Variants in BTG4 observed in about 807,000 individuals in gnomAD.
The protein encoded by BTG4 is protein BTG4.
A neutral mutation model predicts 19.3 loss-of-function variants in BTG4; 10 were observed. That is an observed-to-expected ratio of 0.52 (90% CI 0.32 to 0.88). BTG4 has a LOEUF of 0.88. Ranked by LOEUF, BTG4 falls within the 40% of genes least tolerant of loss-of-function variation. The pLI is 0.04. For missense variants in BTG4, 238 were observed against 281.9 expected (o/e 0.84, Z 1.11); for synonymous variants, 91 against 95.7 (o/e 0.95, Z 0.29).
intron 5 of BTG4, among the ~76,000 whole-genome samples, chr11:111,480,381 T>A (rs1425590009): frequency 6.6e-6 from 1 of 152,034 alleles, no homozygotes; most frequent in Non-Finnish European, 1.5e-5. Context: ...GAGACTTCAA[T>A]ACCTCCTCTC....
chr11:111,405,896 A>C, the BTG4 span, among the ~76,000 whole-genome samples: 5 of 152,228 alleles, frequency 3.3e-5, no homozygotes, highest in African/African-American at 1.2e-4. Context: ...TAAAACACTT[A>C]GAAGAGTTTC....
intron 1 of BTG4, among the ~76,000 whole-genome samples, chr11:111,506,049 T>C (rs537575340): frequency 6.6e-6 from 1 of 152,268 alleles, no homozygotes; most frequent in Non-Finnish European, 1.5e-5. Context: ...ATTCAACCTC[T>C]ATGGAAAACG....
intron 5 of BTG4, among the ~76,000 whole-genome samples, chr11:111,486,934 C>T (rs893715494): frequency 2.0e-5 from 3 of 151,584 alleles, no homozygotes; most frequent in African/African-American, 7.3e-5. Context: ...GGTATTAAGC[C>T]CCCCATGCAT....
downstream of BTG4, among the ~76,000 whole-genome samples, chr11:111,492,491 A>C (rs1865481235): frequency 6.6e-6 from 1 of 152,214 alleles, no homozygotes; most frequent in Non-Finnish European, 1.5e-5. Context: ...CTCTGCTGAG[A>C]GAATGATCAA....
chr11:111,401,056 A>C, the BTG4 span: 5 of 60,446 alleles, frequency 8.3e-5, no homozygotes, highest in Non-Finnish European at 2.3e-4. Flanking sequence ...TGGAGCATAA[A>C]AAAAAAAAAA....
chr11:111,436,972 G>A, the BTG4 span, among the ~76,000 whole-genome samples: 3 of 152,208 alleles, frequency 2.0e-5, no homozygotes, highest in Non-Finnish European at 2.9e-5. Context: ...GCAAGCAGAC[G>A]CTGCAGGGCA....
At chr11:111,422,201 C>G in the BTG4 span, among the ~76,000 whole-genome samples, 26 of 152,242 alleles carry the variant, frequency 1.7e-4, no homozygotes, top group East Asian at 2.7e-3. Context: ...CACAAGGGAG[C>G]CCCAGCAAAT....
At chr11:111,384,450 G>A in the BTG4 span, among the ~76,000 whole-genome samples, 1 of 151,982 alleles carries the variant, frequency 6.6e-6, no homozygotes, top group Non-Finnish European at 1.5e-5. Context: ...AGCTTACTAA[G>A]AAAAAGAATA....
intron 4 of BTG4, chr11:111,496,540 A>G (rs1295623805): frequency 2.0e-5 from 3 of 152,218 alleles, no homozygotes; most frequent in African/African-American, 7.2e-5. Context: ...TTGCTTTAAC[A>G]TTTAATACAT....
At chr11:111,479,549 A>G (rs1032253692) in intron 5 of BTG4, among the ~76,000 whole-genome samples, 13 of 152,148 alleles carry the variant, frequency 8.5e-5, no homozygotes, top group African/African-American at 2.4e-4. Context: ...AACTTGTAAC[A>G]TCAGGAAGGA....
At chr11:111,404,836 T>C in the BTG4 span, 3 of 352,062 alleles carry the variant, frequency 8.5e-6, no homozygotes, top group Admixed American at 7.4e-5. Context: ...TTATCTCTCA[T>C]GGTCTAATTG....
chr11:111,425,350 A>G, the BTG4 span, among the ~76,000 whole-genome samples: 1 of 152,120 alleles, frequency 6.6e-6, no homozygotes, highest in African/African-American at 2.4e-5. Context: ...CATACACAAA[A>G]GACACAGGAG....
At chr11:111,502,268 G>A (rs781231262) in intron 1 of BTG4, among the ~76,000 whole-genome samples, 6 of 151,908 alleles carry the variant, frequency 3.9e-5, no homozygotes, top group Admixed American at 6.6e-5. Context: ...CACCACGCCC[G>A]GCCAAGACAT....
intron 5 of BTG4, chr11:111,469,438 T>C (rs76163421): frequency 6.6e-6 from 1 of 152,232 alleles, no homozygotes; most frequent in Non-Finnish European, 1.5e-5. Flanking sequence ...TTTGCAACAT[T>C]TCAAATCTAC....
chr11:111,478,974 TCCA>T (rs1864568090), intron 5 of BTG4, among the ~76,000 whole-genome samples: 1 of 146,952 alleles, frequency 6.8e-6, no homozygotes, highest in Admixed American at 6.9e-5. Flanking sequence ...CTGAAAACTT[TCCA>T]AATTTGGAAA....
At chr11:111,491,233 A>G (rs1392956218), downstream of BTG4, among the ~76,000 whole-genome samples, 1 of 152,212 alleles carries the variant, frequency 6.6e-6, no homozygotes, top group Non-Finnish European at 1.5e-5. Context: ...TGGGAGTCGG[A>G]GGAAGTGTGT....
intron 5 of BTG4, among the ~76,000 whole-genome samples, chr11:111,476,733 C>G (rs547471): frequency 0.95 from 144,048 of 152,222 alleles, 68,683 homozygotes; most frequent in Middle Eastern, 1. Flanking sequence ...GCCCATAAGA[C>G]GGGCTATGAG....
At chr11:111,491,240 G>A, downstream of BTG4, among the ~76,000 whole-genome samples, 1 of 152,186 alleles carries the variant, frequency 6.6e-6, no homozygotes, top group East Asian at 1.9e-4. Flanking sequence ...CGGAGGAAGT[G>A]TGTGCAACTA....
At chr11:111,465,684 A>G (rs1863678741), downstream of BTG4, among the ~76,000 whole-genome samples, 1 of 152,196 alleles carries the variant, frequency 6.6e-6, no homozygotes, top group African/African-American at 2.4e-5. Flanking sequence ...GTTCAACACT[A>G]TGAAGGCAGT....
Sources: allele counts gnomAD v4.1 joint callset (sites outside exome capture counted in the v4.1 genomes callset), GRCh38; gene constraint gnomAD v4.1.1; transcripts MANE v1.5; gene names NCBI Gene and HGNC (gene_info 2026-07-23, HGNC 2026-07-21).